SH3PXD2B: variants seen among roughly 807,000 people sequenced by gnomAD.
The protein encoded by SH3PXD2B is SH3 and PX domain-containing protein 2B.
A neutral mutation model predicts 73.1 loss-of-function variants in SH3PXD2B; 37 were observed. That is an observed-to-expected ratio of 0.51 (90% CI 0.39 to 0.67). The LOEUF (loss-of-function observed/expected upper bound fraction) is 0.67. Among genes scored for constraint, SH3PXD2B ranks in the 30% least tolerant of loss-of-function variants. SH3PXD2B has a pLI of 0.00. For synonymous variants in SH3PXD2B, 457 were observed against 480.5 expected (o/e 0.95, Z 0.64); for missense variants, 1,053 against 1,197.8 (o/e 0.88, Z 1.78).
intron 12 of SH3PXD2B, among the ~76,000 whole-genome samples, chr5:172,341,204 C>T (rs1422636640): frequency 3.3e-5 from 5 of 152,202 alleles, no homozygotes; most frequent in Non-Finnish European, 5.9e-5. Context: ...ACCCCCAATA[C>T]CTCCAACTGT....
chr5:172,422,088 G>A (rs548309830), intron 2 of SH3PXD2B, among the ~76,000 whole-genome samples: 5 of 151,458 alleles, frequency 3.3e-5, no homozygotes, highest in South Asian at 2.1e-4. Flanking sequence ...TCTGCCTCCC[G>A]GGTTCAAGCA....
At chr5:172,433,210 G>A (rs1296039107) in intron 1 of SH3PXD2B, among the ~76,000 whole-genome samples, 2 of 152,152 alleles carry the variant, frequency 1.3e-5, no homozygotes, top group Non-Finnish European at 2.9e-5. Context: ...CCCAGGAGCC[G>A]TGAGCTATAC....
chr5:172,336,507 C>T lies in SH3PXD2B; in HGVS notation c.*1862G>A, dbSNP rs139756702. On this transcript the variant is annotated 3_prime_UTR_variant, in exon 13 of 13. Transcript: ENST00000311601. ...ACAGGTGATCAGAGGAAGCTCCTCA[C>T]GCAGAAGCAGCCAGCACCCACGTGA... 91 of 978,700 alleles carry T rather than the reference C, an allele frequency of 9.3e-5. No homozygotes were observed. In the East Asian group the frequency reaches 4.5e-3, roughly 48 times the overall value. The allele number at this position is 978,700 out of a possible 1,614,324, so 60.6% of individuals were successfully genotyped here.
At chr5:172,354,032 C>T in intron 8 of SH3PXD2B, 27 bp from the exon 9 acceptor site, 1 of 1,596,984 alleles carries the variant, frequency 6.3e-7, no homozygotes, top group East Asian at 2.2e-5. Flanking sequence ...AAGCTGGGGT[C>T]AGAAGAGGAC....
At chr5:172,440,253 C>T (rs2569210) in intron 1 of SH3PXD2B, among the ~76,000 whole-genome samples, 39,320 of 152,184 alleles carry the variant, frequency 0.26, 5,717 homozygotes, top group Non-Finnish European at 0.34. Context: ...TCAAGGAGCA[C>T]GCGGTCGAGA....
chr5:172,446,661 C>A (rs552318930), intron 1 of SH3PXD2B, among the ~76,000 whole-genome samples: 2 of 152,180 alleles, frequency 1.3e-5, no homozygotes, highest in African/African-American at 2.4e-5. Context: ...CGGTGGGAGG[C>A]AAGAGGATGC....
At chr5:172,452,510 G>A (rs1759818630) in intron 1 of SH3PXD2B, among the ~76,000 whole-genome samples, 1 of 152,186 alleles carries the variant, frequency 6.6e-6, no homozygotes, top group African/African-American at 2.4e-5. Flanking sequence ...ATCCCTGCTT[G>A]GCTCTTGACT....
At chr5:172,437,041 G>A (rs1759406405) in intron 1 of SH3PXD2B, among the ~76,000 whole-genome samples, 2 of 152,114 alleles carry the variant, frequency 1.3e-5, no homozygotes, top group Admixed American at 1.3e-4. Context: ...GAAGAGCTTG[G>A]GAGTTAGTGA....
rs1756750615 is a variant in SH3PXD2B at position 172,338,274 on chromosome 5, G to C, written c.*95C>G. The C allele has an allele frequency of 1.2e-6, 2 of 1,605,674 alleles. No individual in the cohort carries two copies. The highest frequency in any genetic ancestry group is 2.7e-5 in the African/African-American group (2 of 74,754). ...AGTACCCCAGAGTCTGTCTGCCTTG[G>C]AAGCTGCGTGGAGAATGATAAATTA... On this transcript the variant is annotated 3_prime_UTR_variant, in exon 13 of 13. Transcript: ENST00000311601. The surrounding 1 kb of genome is among the most constrained non-coding windows in gnomAD (Gnocchi z 5.1).
chr5:172,368,528 ATATATATATATAAAATAT>A lies in SH3PXD2B; in HGVS notation c.427+5244_427+5261del, dbSNP rs1757596158. Among the ~76,000 whole-genome samples, 5 of 22,930 alleles carry A rather than the reference ATATATATATATAAAATAT, an allele frequency of 2.2e-4. 1 individual carries two copies. Among genetic ancestry groups the A allele is most frequent in the African/African-American group, 1.3e-3 (4 of 3,022 alleles). 15.0% of individuals were successfully genotyped at this position (22,930 alleles called of 152,430 possible). On this transcript the variant is annotated intron_variant, in intron 6 of 12. Transcript: ENST00000311601. Reference sequence around the variant, plus strand: ...TATATATATAAAATATATATATATTATATATATATATAAAATATATATATATTATATATATATAAAATA... The same window carrying A: ...TATATATATAAAATATATATATATTAATATATATTATATATATATAAAATA...
Position 172,335,126 on chromosome 5 carries a change from G to A in SH3PXD2B, c.*3243C>T. 1 of 986,952 alleles carries A rather than the reference G, an allele frequency of 1.0e-6. No individual in the cohort carries two copies. 61.1% of individuals were successfully genotyped at this position (986,952 alleles called of 1,614,324 possible). A position where few individuals can be genotyped will look rare whatever the true frequency, so the allele number is the denominator to read the frequency against. ...GAGCAAAGGCCTCTTTTATCAAGAG[G>A]TGGTCTTAGACTCAGGGTTTTCCAA... On this transcript the variant is annotated 3_prime_UTR_variant, in exon 13 of 13. Transcript: ENST00000311601.
At chr5:172,347,431 C>T in intron 10 of SH3PXD2B, 99 bp from the exon 11 acceptor site, 2 of 1,216,432 alleles carry the variant, frequency 1.6e-6, no homozygotes, top group East Asian at 2.4e-5. Context: ...AGATTGAACA[C>T]AGGCGTCTGC....
intron 8 of SH3PXD2B, among the ~76,000 whole-genome samples, chr5:172,354,825 C>T (rs1463764047): frequency 6.6e-6 from 1 of 152,202 alleles, no homozygotes; most frequent in East Asian, 1.9e-4. Flanking sequence ...ACACTCTCTG[C>T]GGTCCCCCGA....
In SH3PXD2B at chr5:172,362,835, C is replaced by T. The variant is rs759502791; in HGVS notation, c.462G>A (p.Leu154=). The change falls in exon 7 of 13, where the codon CTG becomes CTA. Residue 154 remains leucine, a synonymous_variant. Coordinates refer to ENST00000311601, the MANE Select transcript of SH3PXD2B (RefSeq NM_001017995.3). ...AGTTGGCTACCACCACATACTGCTCCAGGACCATGGGGTCCACTGAGGTTT... is the reference window on the plus strand; with the variant it reads ...AGTTGGCTACCACCACATACTGCTCTAGGACCATGGGGTCCACTGAGGTTT... The part of the protein sequence containing the change: ...GDQTSVDPMV[L]EQYVVVANYQ... 8.1e-6 allele frequency: 13 copies of T among 1,614,058 alleles called. No homozygotes were observed. The highest frequency in any genetic ancestry group is 1.1e-5 in the South Asian group (1 of 91,086).
Position 172,421,050 on chromosome 5 carries a change from C to T in SH3PXD2B, c.156+1366G>A, listed in dbSNP as rs1758954457. ...TCAGTTGGGTTTCTGTCACTCGCAA[C>T]AGAAGCATTCTGACTGAAAAGAAGA... is the stretch of plus-strand genomic sequence containing the variant. On this transcript the variant is annotated intron_variant, in intron 2 of 12. Coordinates refer to ENST00000311601, the MANE Select transcript of SH3PXD2B (RefSeq NM_001017995.3). The surrounding 1 kb of genome is among the most constrained non-coding windows in gnomAD (Gnocchi z 4.0). Among the ~76,000 whole-genome samples, 1 of 152,220 alleles carries T rather than the reference C, an allele frequency of 6.6e-6. No individual in the cohort carries two copies. Among genetic ancestry groups the T allele is most frequent in the South Asian group, 2.1e-4 (1 of 4,832 alleles).
chr5:172,352,801 C>T (rs967835983), intron 9 of SH3PXD2B, among the ~76,000 whole-genome samples: 1 of 152,200 alleles, frequency 6.6e-6, no homozygotes, highest in Non-Finnish European at 1.5e-5. Context: ...TGAGGCCTCC[C>T]CAGCCATGTG....
rs748103641 is a variant in SH3PXD2B, at chr5:172,339,461, C to G, written c.1644G>C (p.Gln548His). The G allele has an allele frequency of 3.1e-6, 5 of 1,613,718 alleles. No individual in the cohort carries two copies. Among genetic ancestry groups the G allele is most frequent in the South Asian group, 1.1e-5 (1 of 91,082 alleles). ...ERERERQRTE[Q>H]LRGPTPKPPG... ...GAGGCTTGGGAGTGGGGCCCCGGAGCTGCTCCGTCCTCTGCCGCTCCCGCT... is the reference window on the plus strand; with the variant it reads ...GAGGCTTGGGAGTGGGGCCCCGGAGGTGCTCCGTCCTCTGCCGCTCCCGCT... Residue 548 changes from glutamine to histidine, a missense_variant, in exon 13 of 13, where the codon CAG becomes CAC. This residue lies in a region of SH3PXD2B where 587 missense variants were observed against 590.7 expected (regional missense o/e 0.99). Transcript: ENST00000311601. This position sits in a 1 kb window ranked among gnomAD's most constrained non-coding sequence, Gnocchi z 6.1.
At chr5:172,363,155 T>G (rs1447604097) in intron 6 of SH3PXD2B, among the ~76,000 whole-genome samples, 5 of 152,134 alleles carry the variant, frequency 3.3e-5, no homozygotes. Flanking sequence ...CATTCATACT[T>G]AGCCATCCCT....
At chr5:172,428,214 A>G (rs1759147592) in intron 1 of SH3PXD2B, among the ~76,000 whole-genome samples, 1 of 152,222 alleles carries the variant, frequency 6.6e-6, no homozygotes, top group Non-Finnish European at 1.5e-5. Flanking sequence ...TTCTATGCAG[A>G]ATACATTTCT....
Sources: gnomAD v4.1 joint callset for allele counts (sites outside exome capture counted in the v4.1 genomes callset) on GRCh38, gnomAD v4.1.1 for gene constraint, gnomAD v4.1.1 regional missense constraint, Gnocchi (gnomAD v3.1) non-coding constraint, MANE v1.5 for transcripts, NCBI Gene and HGNC (gene_info 2026-07-23, HGNC 2026-07-21) for gene names.